Variants in ADARB2 observed in about 807,000 individuals in gnomAD.
ADARB2 encodes the protein adenosine deaminase RNA specific B2 (inactive).
ADARB2 carries 25 observed loss-of-function variants against 62.2 expected under a neutral mutation model. The observed-to-expected ratio is 0.40, with a 90% CI of 0.29 to 0.56. The LOEUF is 0.56. Among genes scored for constraint, ADARB2 ranks in the 20% least tolerant of loss-of-function variants. ADARB2 has a pLI of 0.43. For synonymous variants in ADARB2, 572 were observed against 500.8 expected, an observed-to-expected ratio of 1.14 and a Z score of -1.90; for missense variants, 1,071 against 1,077.4, an observed-to-expected ratio of 0.99 and a Z score of 0.08.
At position 1,465,190 on chromosome 10, in the gene ADARB2, G is replaced by A. The variant is rs561382652; in HGVS notation, c.101-86030C>T. On this transcript the variant is annotated intron_variant, in intron 1 of 9. Transcript: ENST00000381312. ...CTCAAAATGGCAAAGTTACAGGGTC[G>A]GGAGGTGAAGCCATGGTCTGTAGAG... is the stretch of plus-strand genomic sequence containing the variant. 1.4e-4 allele frequency among the ~76,000 whole-genome samples: 22 copies of A among 152,284 alleles called. No individual in the cohort carries two copies. In the South Asian group the frequency reaches 1.5e-3, roughly 10 times the overall value.
chr10:1,471,016 G>A (rs1027038197), intron 1 of ADARB2, among the ~76,000 whole-genome samples: 73 of 152,210 alleles, frequency 4.8e-4, no homozygotes, highest in African/African-American at 1.7e-3. Flanking sequence ...CCAAGATGGC[G>A]CCACTGCACT....
intron 1 of ADARB2, among the ~76,000 whole-genome samples, chr10:1,671,766 C>G (rs896138695): frequency 6.6e-6 from 1 of 152,106 alleles, no homozygotes; most frequent in Non-Finnish European, 1.5e-5. Context: ...CCATACGCTG[C>G]GTCAAATTGA....
chr10:1,472,508 G>A (rs1441142723), intron 1 of ADARB2, among the ~76,000 whole-genome samples: 2 of 152,230 alleles, frequency 1.3e-5, no homozygotes, highest in Non-Finnish European at 2.9e-5. Context: ...CACCGGGCCA[G>A]GAGAGTCTTC....
intron 3 of ADARB2, among the ~76,000 whole-genome samples, chr10:1,293,423 C>T (rs1397538890): frequency 6.6e-6 from 1 of 151,466 alleles, no homozygotes; most frequent in African/African-American, 2.4e-5. Flanking sequence ...GTTTTAGCCC[C>T]GTCCTCCTCT....
intron 1 of ADARB2, among the ~76,000 whole-genome samples, chr10:1,505,215 A>T (rs1179800343): frequency 6.6e-6 from 1 of 152,116 alleles, no homozygotes; most frequent in Non-Finnish European, 1.5e-5. Context: ...ACACACATGC[A>T]CACACAGAAA....
chr10:1,732,358 T>G (rs1835245261), intron 1 of ADARB2, among the ~76,000 whole-genome samples: 1 of 151,332 alleles, frequency 6.6e-6, no homozygotes, highest in Non-Finnish European at 1.5e-5. Flanking sequence ...CCTTACGTAA[T>G]GCGCTTCTGA....
intron 1 of ADARB2, among the ~76,000 whole-genome samples, chr10:1,621,027 C>T (rs1833697757): frequency 6.6e-6 from 1 of 152,200 alleles, no homozygotes; most frequent in South Asian, 2.1e-4. Context: ...TGGCTGAGTG[C>T]TTTCCTGTAG....
chr10:1,215,999 GC>G (rs1162541961), intron 7 of ADARB2: 5 of 151,570 alleles, frequency 3.3e-5, no homozygotes, highest in African/African-American at 1.2e-4. Context: ...CGTGGGGGAG[GC>G]CTCGGGGCCT....
chr10:1,552,509 G>A (rs760825473), intron 1 of ADARB2, among the ~76,000 whole-genome samples: 2 of 152,218 alleles, frequency 1.3e-5, no homozygotes, highest in Non-Finnish European at 2.9e-5. Context: ...TGTCCTGCCT[G>A]GCACTCAGTG....
chr10:1,603,096 CATCAACACACACACCTA>C (rs1833445389), intron 1 of ADARB2, among the ~76,000 whole-genome samples: 1 of 78,126 alleles, frequency 1.3e-5, no homozygotes, highest in Non-Finnish European at 3.5e-5. Context: ...CACATACACA[CATCAACACACACACCTA>C]TACACACACA....
chr10:1,310,154 T>A (rs1299288532), intron 3 of ADARB2, among the ~76,000 whole-genome samples: 1 of 152,238 alleles, frequency 6.6e-6, no homozygotes, highest in Non-Finnish European at 1.5e-5. Context: ...ATGGGGCCTA[T>A]TTTGGACCGA....
intron 1 of ADARB2, among the ~76,000 whole-genome samples, chr10:1,694,125 T>A (rs1009224698): frequency 7.2e-5 from 11 of 152,250 alleles, no homozygotes; most frequent in Non-Finnish European, 1.0e-4. Context: ...TCTGGTTCTT[T>A]TGATTATTAT....
intron 3 of ADARB2, among the ~76,000 whole-genome samples, chr10:1,309,444 G>A (rs1471994015): frequency 6.6e-6 from 1 of 152,224 alleles, no homozygotes; most frequent in Non-Finnish European, 1.5e-5. Flanking sequence ...TGTCTAGTGG[G>A]CCAGGGCTGG....
intron 1 of ADARB2, among the ~76,000 whole-genome samples, chr10:1,722,648 A>G (rs1033208493): frequency 9.9e-5 from 15 of 152,210 alleles, no homozygotes; most frequent in Non-Finnish European, 1.8e-4. Context: ...TATTTTTTCT[A>G]TTCTTCTCTT....
intron 1 of ADARB2, among the ~76,000 whole-genome samples, chr10:1,578,691 G>A (rs1833053878): frequency 6.6e-6 from 1 of 152,138 alleles, no homozygotes; most frequent in African/African-American, 2.4e-5. Context: ...AGAAGTGTGT[G>A]CACACACATG....
At chr10:1,362,468 A>C (rs1832267105) in intron 3 of ADARB2, among the ~76,000 whole-genome samples, 1 of 152,220 alleles carries the variant, frequency 6.6e-6, no homozygotes, top group African/African-American at 2.4e-5. Flanking sequence ...AGGTAATCGC[A>C]GGTTAGAAGG....
At chr10:1,568,490 G>A (rs1291086944) in intron 1 of ADARB2, among the ~76,000 whole-genome samples, 1 of 151,712 alleles carries the variant, frequency 6.6e-6, no homozygotes, top group Non-Finnish European at 1.5e-5. Flanking sequence ...TTTAGTAAAA[G>A]GCTATTTGCC....
intron 8 of ADARB2, among the ~76,000 whole-genome samples, chr10:1,190,462 G>A (rs1233868616): frequency 2.0e-5 from 3 of 152,242 alleles, no homozygotes; most frequent in African/African-American, 7.2e-5. Flanking sequence ...TACTTTTGTA[G>A]GCTGTATTTG....
chr10:1,409,942 C>G (rs1372920842), intron 1 of ADARB2, among the ~76,000 whole-genome samples: 7 of 47,480 alleles, frequency 1.5e-4, no homozygotes, highest in Admixed American at 2.2e-4. Context: ...GGGAAGGATT[C>G]TCAGTGGTGC....
Sources: allele counts gnomAD v4.1 joint callset (sites outside exome capture counted in the v4.1 genomes callset), GRCh38; gene constraint gnomAD v4.1.1; transcripts MANE v1.5; gene names NCBI Gene and HGNC (gene_info 2026-07-23, HGNC 2026-07-21).